SPTBN4: variants seen among roughly 807,000 people sequenced by gnomAD.
The protein encoded by SPTBN4 is spectrin beta, non-erythrocytic 4.
A neutral mutation model predicts 277.8 loss-of-function variants in SPTBN4; 96 were observed. The observed-to-expected ratio is 0.35, with a 90% CI of 0.29 to 0.41. The LOEUF (loss-of-function observed/expected upper bound fraction) is 0.41. Ranked by LOEUF, SPTBN4 falls within the 10% of genes least tolerant of loss-of-function variation. The pLI is 1.00. For synonymous variants in SPTBN4, 1,481 were observed against 1,580.3 expected, an observed-to-expected ratio of 0.94 and a Z score of 1.49; for missense variants, 3,006 against 3,595.7, an observed-to-expected ratio of 0.84 and a Z score of 4.19.
At position 40,478,568 on chromosome 19, in the gene SPTBN4, CAG is replaced by C. The variant is rs373754701; in HGVS notation, c.169+5781_169+5782del. Among the ~76,000 whole-genome samples the C allele has an allele frequency of 9.5e-4, 145 of 152,034 alleles. 3 individuals are homozygous for C. The highest frequency in any genetic ancestry group is 3.4e-3 in the African/African-American group (143 of 41,472). ...TTATTTTATTTTATTTTTTTTGAGA[CAG>C]AGTCTCGCTCTGTCACCCAGGCTGG... On this transcript the variant is annotated intron_variant, in intron 2 of 35. Coordinates refer to ENST00000598249, the MANE Select transcript of SPTBN4 (RefSeq NM_020971.3).
intron 21 of SPTBN4, 128 bp from the exon 22 acceptor site, chr19:40,550,110 G>A (rs1157767183): frequency 3.0e-6 from 2 of 669,222 alleles, no homozygotes; most frequent in East Asian, 5.5e-5. Flanking sequence ...AAATGGAGGA[G>A]GCTGAATATT....
At chr19:40,492,041 CAA>C (rs56708259) in intron 4 of SPTBN4, among the ~76,000 whole-genome samples, 1 of 139,820 alleles carries the variant, frequency 7.2e-6, no homozygotes, top group Admixed American at 7.1e-5. Flanking sequence ...AAAAACAAAA[CAA>C]AAAAAAAAAC....
At chr19:40,561,038 G>A (rs1156444890) in intron 27 of SPTBN4, among the ~76,000 whole-genome samples, 2 of 152,154 alleles carry the variant, frequency 1.3e-5, no homozygotes, top group East Asian at 3.9e-4. Flanking sequence ...TCTTGAGATG[G>A]AGTCTTGCTC....
intron 20 of SPTBN4, among the ~76,000 whole-genome samples, chr19:40,542,681 G>A (rs1367977993): frequency 6.6e-6 from 1 of 150,400 alleles, no homozygotes; most frequent in Non-Finnish European, 1.5e-5. Context: ...TCTGTCCCAT[G>A]TTTTTGTATC....
At chr19:40,487,572 C>G in intron 2 of SPTBN4, 125 bp from the exon 3 acceptor site, 4 of 1,267,166 alleles carry the variant, frequency 3.2e-6, no homozygotes, top group Non-Finnish European at 4.2e-6. Flanking sequence ...TCTCGAACTC[C>G]TACCTCAGGT....
At chr19:40,522,564 C>T (rs988045826) in intron 16 of SPTBN4, among the ~76,000 whole-genome samples, 5 of 150,862 alleles carry the variant, frequency 3.3e-5, no homozygotes, top group African/African-American at 1.2e-4. Flanking sequence ...GTTGGCCAGG[C>T]TGGTCTCGAA....
At chr19:40,474,151 CAAAAAAAAA>C (rs71173641) in intron 2 of SPTBN4, among the ~76,000 whole-genome samples, 3 of 34,448 alleles carry the variant, frequency 8.7e-5, no homozygotes, top group African/African-American at 2.6e-4. Context: ...GAACCTATCT[CAAAAAAAAA>C]AAAAAAAAAA....
At chr19:40,499,000 A>T (rs2080234015) in intron 7 of SPTBN4, among the ~76,000 whole-genome samples, 1 of 151,134 alleles carries the variant, frequency 6.6e-6, no homozygotes, top group Admixed American at 6.6e-5. Flanking sequence ...CCGTGCCTGG[A>T]CGTTTTATTT....
In SPTBN4 at chr19:40,555,985, A is replaced by T. The variant is rs1826084452; in HGVS notation, c.5085-99A>T. ...GACACAGCCGTGTCTGAAGATTCCA[A>T]GGAAACACAGCCCTGTCCTGGGGAG... is the stretch of plus-strand genomic sequence containing the variant. On this transcript the variant is annotated intron_variant, in intron 24 of 35. Coordinates refer to ENST00000598249, the MANE Select transcript of SPTBN4 (RefSeq NM_020971.3). The T allele has an allele frequency of 6.5e-6, 7 of 1,073,364 alleles. No homozygotes were observed. In the East Asian group the frequency reaches 1.8e-4, roughly 28 times the overall value. 66.5% of individuals were successfully genotyped at this position (1,073,364 alleles called of 1,614,324 possible). A position where few individuals can be genotyped will look rare whatever the true frequency, so the allele number is the denominator to read the frequency against.
At chr19:40,523,397 G>C (rs199745374) in intron 16 of SPTBN4, 40 bp from the exon 17 acceptor site, 103 of 1,549,782 alleles carry the variant, frequency 6.6e-5, no homozygotes, top group Non-Finnish European at 8.7e-6. Flanking sequence ...TCCTGGAATG[G>C]AATGAGGCTG....
chr19:40,570,834 A>G (rs1453739696), intron 33 of SPTBN4, 106 bp downstream of exon 33: 2 of 1,224,450 alleles, frequency 1.6e-6, no homozygotes, highest in East Asian at 6.3e-5. Context: ...CAGGCCCTCC[A>G]GCAGGTGGCG....
rs1218690343 is a variant in SPTBN4, at chr19:40,530,692, G to T, written c.3948+1561G>T. ...CCGCCCGTCGTGGCCGCGGGAGGGA[G>T]GGGCGGGGCGGCGCGGGGGCGGGCC... On this transcript the variant is annotated intron_variant, in intron 18 of 35. Coordinates refer to ENST00000598249, the MANE Select transcript of SPTBN4 (RefSeq NM_020971.3). The T allele has an allele frequency of 2.5e-5, 13 of 517,390 alleles. 1 individual carries two copies. Among genetic ancestry groups the T allele is most frequent in the Admixed American group, 6.5e-5 (1 of 15,438 alleles). 32.0% of individuals were successfully genotyped at this position (517,390 alleles called of 1,614,324 possible).
At position 40,554,301 on chromosome 19, in the gene SPTBN4, C is replaced by G; in HGVS notation, c.4829C>G (p.Ala1610Gly). The change falls in exon 23 of 36, where the codon GCC (alanine) becomes GGC (glycine). Residue 1610 changes from alanine (A) to glycine (G), a missense_variant. Transcript: ENST00000598249. This position sits in a 1 kb window ranked among gnomAD's most constrained non-coding sequence, Gnocchi z 5.7. ...GCCTGGGCCGGACTGCGGGAGGCTG[C>G]CGAGCGACGGCAGCAGGTGCTGGAC... ...QSAWAGLREA[A>G]ERRQQVLDAA... 6.5e-7 allele frequency: 1 copy of G among 1,541,434 alleles called. No individual in the cohort carries two copies. Among genetic ancestry groups the G allele is most frequent in the Non-Finnish European group, 8.7e-7 (1 of 1,149,802 alleles).
chr19:40,563,042 T>C (rs2081059121), intron 27 of SPTBN4, among the ~76,000 whole-genome samples: 1 of 151,054 alleles, frequency 6.6e-6, no homozygotes, highest in Admixed American at 6.6e-5. Context: ...AGACCCCATC[T>C]CTACAAAAAA....
intron 16 of SPTBN4, among the ~76,000 whole-genome samples, chr19:40,521,679 G>A (rs896200497): frequency 3.3e-5 from 5 of 152,182 alleles, no homozygotes; most frequent in African/African-American, 9.7e-5. Context: ...TTTAACAGGC[G>A]ATGGACTAGT....
At chr19:40,526,167 CTTTTTT>C (rs1168105162) in intron 17 of SPTBN4, among the ~76,000 whole-genome samples, 1 of 93,174 alleles carries the variant, frequency 1.1e-5, no homozygotes, top group Non-Finnish European at 2.0e-5. Context: ...AGGTGCTGTT[CTTTTTT>C]TTTTTTTTTT....
intron 35 of SPTBN4, among the ~76,000 whole-genome samples, chr19:40,574,059 G>A (rs762264030): frequency 4.1e-4 from 62 of 152,190 alleles, no homozygotes; most frequent in South Asian, 1.9e-3. Context: ...CTGAGATTGC[G>A]CCACTGCACT....
chr19:40,476,781 G>A (rs1396356197), intron 2 of SPTBN4, among the ~76,000 whole-genome samples: 1 of 152,058 alleles, frequency 6.6e-6, no homozygotes, highest in Non-Finnish European at 1.5e-5. Context: ...CAGAGATGGG[G>A]TTTCACTGTG....
chr19:40,549,109 G>A (rs938099101), intron 20 of SPTBN4, 80 bp from the exon 21 acceptor site: 4 of 1,231,638 alleles, frequency 3.2e-6, no homozygotes, highest in South Asian at 1.5e-5. Context: ...GGGTCTGGCT[G>A]TCACCATAAG....
Sources: allele counts gnomAD v4.1 joint callset (sites outside exome capture counted in the v4.1 genomes callset), GRCh38; gene constraint gnomAD v4.1.1; non-coding constraint Gnocchi (gnomAD v3.1); transcripts MANE v1.5; gene names NCBI Gene and HGNC (gene_info 2026-07-23, HGNC 2026-07-21).